ZBTB11: variants seen among roughly 807,000 people sequenced by gnomAD.
The protein encoded by ZBTB11 is zinc finger and BTB domain-containing protein 11.
ZBTB11 carries 68 observed loss-of-function variants against 113.1 expected under a neutral mutation model. The observed-to-expected ratio is 0.60, with a 90% confidence interval of 0.49 to 0.74. The LOEUF is 0.74. Among genes scored for constraint, ZBTB11 ranks in the 30% least tolerant of loss-of-function variants. The pLI is 0.00. For synonymous variants in ZBTB11, 518 were observed against 452.6 expected, an observed-to-expected ratio of 1.14 and a Z score of -1.83; for missense variants, 1,104 against 1,279.4, an observed-to-expected ratio of 0.86 and a Z score of 2.09.
chr3:101,665,725 C>T lies in ZBTB11; in HGVS notation c.862G>A (p.Val288Ile), dbSNP rs150913648. 8 of 1,614,042 alleles carry T rather than the reference C, an allele frequency of 5.0e-6. No individual in the cohort carries two copies. Among genetic ancestry groups the T allele is most frequent in the Non-Finnish European group, 3.4e-6 (4 of 1,180,040 alleles). Residue 288 changes from valine (V) to isoleucine (I), a missense_variant, in exon 4 of 11, where the codon GTA (valine) becomes ATA (isoleucine). Physicochemically the swap from Val to Ile is conservative, Grantham distance 29. This residue lies in a region of ZBTB11 where 86 missense variants were observed against 131.0 expected (regional missense o/e 0.66). Transcript: ENST00000312938. ...AAAAGATGACGAGCTAAGATGGCTACATCAGCCATGCTACAGAAATCAAAA... is the reference window on the plus strand; with the variant it reads ...AAAAGATGACGAGCTAAGATGGCTATATCAGCCATGCTACAGAAATCAAAA... ...LSFDFCSMADVAILARHLFMS... is the reference protein window; with the variant it reads ...LSFDFCSMADIAILARHLFMS...
chr3:101,671,056 G>T, intron 3 of ZBTB11, 74 bp downstream of exon 3: 1 of 1,263,154 alleles, frequency 7.9e-7, no homozygotes, highest in Non-Finnish European at 1.1e-6. Flanking sequence ...AAGTCCGTGT[G>T]TGGAAGACAT....
At chr3:101,655,476 AT>A (rs1936779786) in intron 7 of ZBTB11, among the ~76,000 whole-genome samples, 1 of 152,238 alleles carries the variant, frequency 6.6e-6, no homozygotes, top group East Asian at 1.9e-4. Context: ...GGACAAAAAA[AT>A]ATAAGCCAAC....
At chr3:101,660,606 G>A (rs542635566) in intron 5 of ZBTB11, among the ~76,000 whole-genome samples, 1 of 152,202 alleles carries the variant, frequency 6.6e-6, no homozygotes, top group South Asian at 2.1e-4. Flanking sequence ...ACTCTCTCTT[G>A]ATGCTTCCCT....
chr3:101,675,814 G>A (rs1415994382), intron 1 of ZBTB11, among the ~76,000 whole-genome samples: 2 of 152,166 alleles, frequency 1.3e-5, no homozygotes, highest in Non-Finnish European at 2.9e-5. Context: ...CGAATATCAA[G>A]CTGGGCGCCG....
intron 1 of ZBTB11, among the ~76,000 whole-genome samples, chr3:101,673,426 T>C (rs13061565): frequency 0.3 from 45,857 of 151,948 alleles, 7,243 homozygotes; most frequent in Non-Finnish European, 0.34. Flanking sequence ...TAAGTACAAA[T>C]GAAAAGGTTA....
rs1937193656 is a variant in ZBTB11 at position 101,677,129 on chromosome 3, G to A, written c.-215C>T. 1 of 560,994 alleles carries A rather than the reference G, an allele frequency of 1.8e-6. No homozygotes were observed. The highest frequency in any genetic ancestry group is 3.3e-5 in the East Asian group (1 of 30,420). The allele number at this position is 560,994 out of a possible 1,614,324, so 34.8% of individuals were successfully genotyped here. A position where few individuals can be genotyped will look rare whatever the true frequency, so the allele number is the denominator to read the frequency against. On this transcript the variant is annotated 5_prime_UTR_variant, in exon 1 of 11. Transcript: ENST00000312938. ...TCTCCAGCGCGCGGGATCCGCTGGCGACTGACAAAATGGCTGCTGCACCAC... is the reference window on the plus strand; with the variant it reads ...TCTCCAGCGCGCGGGATCCGCTGGCAACTGACAAAATGGCTGCTGCACCAC...
At chr3:101,672,992 A>G (rs1937106931) in intron 1 of ZBTB11, among the ~76,000 whole-genome samples, 1 of 152,244 alleles carries the variant, frequency 6.6e-6, no homozygotes, top group Admixed American at 6.5e-5. Context: ...CAGGACTACT[A>G]CAAAACTTGT....
intron 3 of ZBTB11, 172 bp downstream of exon 3, chr3:101,670,958 T>C: frequency 1.7e-6 from 1 of 571,688 alleles, no homozygotes; most frequent in Non-Finnish European, 3.2e-6. Context: ...CCCTTTTCCA[T>C]AACTCTACCA....
rs1470463957 is a variant in ZBTB11, at chr3:101,650,528, A to AT, written c.*637_*638insA. ...CTATTCATTTATGGGTTCCTCATAT[A>AT]GATAAATATATTGTGCAAACTTGAT... On this transcript the variant is annotated 3_prime_UTR_variant, in exon 11 of 11. Transcript: ENST00000312938. The AT allele has an allele frequency of 6.6e-6, 1 of 152,654 alleles. No homozygotes were observed. Among genetic ancestry groups the AT allele is most frequent in the East Asian group, 1.9e-4 (1 of 5,200 alleles). 9.5% of individuals were successfully genotyped at this position (152,654 alleles called of 1,614,324 possible).
intron 6 of ZBTB11, among the ~76,000 whole-genome samples, chr3:101,657,462 C>T (rs1415838780): frequency 2.7e-5 from 4 of 150,024 alleles, no homozygotes; most frequent in Non-Finnish European, 5.9e-5. Flanking sequence ...ACTGAGATGG[C>T]GCCACTGCAC....
chr3:101,665,048 A>G lies in ZBTB11; in HGVS notation c.1539T>C (p.Asn513=), dbSNP rs1296350778. 3 of 1,614,022 alleles carry G rather than the reference A, an allele frequency of 1.9e-6. No homozygotes were observed. The African/African-American group carries it at 4.0e-5, about 22-fold the overall frequency. ...TGTGTAGTCGAATATATGCCCCTTC[A>G]TTAACAGAACGTTGTCGAAGCCTGC... ...YRSRLRQRSV[N]EGAYIRLHKG... The change falls in exon 4 of 11, where the codon AAT becomes AAC. Residue 513 remains asparagine, a synonymous_variant. Transcript: ENST00000312938.
At chr3:101,656,358 TTAATTTACAATAAAACATAATGACAAAG>T in intron 6 of ZBTB11, 110 bp from the exon 7 acceptor site, 1 of 660,824 alleles carries the variant, frequency 1.5e-6, no homozygotes, top group Non-Finnish European at 2.0e-6. Flanking sequence ...TTTAAATTAT[TTAATTTACAATAAAACATAATGACAAAG>T]TGAAAGTTGA....
chr3:101,654,569 T>C, intron 8 of ZBTB11, 135 bp downstream of exon 8: 1 of 697,560 alleles, frequency 1.4e-6, no homozygotes, highest in Non-Finnish European at 2.4e-6. Context: ...ATAGTAACCC[T>C]TAAGCAAGAA....
intron 7 of ZBTB11, 22 bp downstream of exon 7, chr3:101,656,082 G>A: frequency 6.8e-7 from 1 of 1,464,488 alleles, no homozygotes; most frequent in Non-Finnish European, 9.1e-7. Context: ...ATGTAACTAT[G>A]TCAATATAAA....
intron 3 of ZBTB11, among the ~76,000 whole-genome samples, chr3:101,669,484 G>GT (rs1476682754): frequency 1.3e-5 from 2 of 152,246 alleles, no homozygotes; most frequent in East Asian, 1.9e-4. Flanking sequence ...CTGTGCCATA[G>GT]TTTTTTTCAG....
intron 6 of ZBTB11, among the ~76,000 whole-genome samples, chr3:101,658,681 G>GT (rs1485984591): frequency 6.6e-6 from 1 of 152,064 alleles, no homozygotes; most frequent in African/African-American, 2.4e-5. Flanking sequence ...ACCAAACATC[G>GT]TATGTTCTCA....
At chr3:101,674,305 G>A (rs1937127615) in intron 1 of ZBTB11, among the ~76,000 whole-genome samples, 1 of 150,880 alleles carries the variant, frequency 6.6e-6, no homozygotes, top group African/African-American at 2.4e-5. Flanking sequence ...GACAGAACAA[G>A]ACTCTGTCTC....
intron 6 of ZBTB11, among the ~76,000 whole-genome samples, chr3:101,657,131 A>AG (rs1415080046): frequency 7.6e-6 from 1 of 132,230 alleles, no homozygotes; most frequent in Non-Finnish European, 1.7e-5. Context: ...ACAGAGCAAG[A>AG]ATCAGTCTCA....
rs755672714 is a variant in ZBTB11 at position 101,676,894 on chromosome 3, G to A, written c.21C>T (p.Tyr7=). 6 of 1,582,302 alleles carry A rather than the reference G, an allele frequency of 3.8e-6. No homozygotes were observed. The South Asian group carries it at 4.5e-5, about 12-fold the overall frequency. MSSEES[Y]RAILRYLTNE... ...TCGTCAGGTAACGCAGGATGGCCCGGTAGCTTTCCTCGCTTGACATCGCGG... is the reference window on the plus strand; with the variant it reads ...TCGTCAGGTAACGCAGGATGGCCCGATAGCTTTCCTCGCTTGACATCGCGG... The change falls in exon 1 of 11, where the codon TAC becomes TAT. Residue 7 remains tyrosine (Y), a synonymous_variant. Coordinates refer to ENST00000312938, the MANE Select transcript of ZBTB11 (RefSeq NM_014415.4).
Sources: allele counts gnomAD v4.1 joint callset (sites outside exome capture counted in the v4.1 genomes callset), GRCh38; gene constraint gnomAD v4.1.1; regional missense constraint gnomAD v4.1.1; transcripts MANE v1.5; gene names NCBI Gene and HGNC (gene_info 2026-07-23, HGNC 2026-07-21).